The following FMNL2 variants were observed in gnomAD, a reference collection of about 807,000 sequenced individuals.
FMNL2 encodes the protein formin like 2, also known as formin-like protein 2.
Under a neutral mutation model 130.2 loss-of-function variants are expected in FMNL2, and 51 were observed. The ratio of observed to expected loss-of-function variants is 0.39; its 90% CI spans 0.31 to 0.49. The LOEUF (loss-of-function observed/expected upper bound fraction) is 0.49. Among genes scored for constraint, FMNL2 ranks in the 20% least tolerant of loss-of-function variants. The pLI is 0.85. For synonymous variants in FMNL2, 465 were observed against 467.1 expected, an observed-to-expected ratio of 1.00 and a Z score of 0.06; for missense variants, 977 against 1,316.2, an observed-to-expected ratio of 0.74 and a Z score of 3.99.
In FMNL2 at chr2:152,546,333, A is replaced by T. The variant is rs80244320; in HGVS notation, c.283-2688A>T. 8.3e-3 allele frequency among the ~76,000 whole-genome samples: 1,257 copies of T among 152,242 alleles called. 22 individuals are homozygous for T. The highest frequency in any genetic ancestry group is 0.029 in the African/African-American group (1,204 of 41,544). On this transcript the variant is annotated intron_variant, in intron 3 of 25. Coordinates refer to ENST00000288670, the MANE Select transcript of FMNL2 (RefSeq NM_052905.4). ...TCTAGTGAGGGCCTCGGGGTTTACA[A>T]TCATGGCGGAAGGCTAAGGGGGAGC...
chr2:152,351,289 C>T (rs1177552061), intron 1 of FMNL2, among the ~76,000 whole-genome samples: 2 of 152,140 alleles, frequency 1.3e-5, no homozygotes, highest in Non-Finnish European at 2.9e-5. Context: ...TACCTATCAA[C>T]CTGTCATCTA....
intron 1 of FMNL2, among the ~76,000 whole-genome samples, chr2:152,341,681 A>T (rs1348382561): frequency 1.3e-5 from 2 of 152,234 alleles, no homozygotes; most frequent in Non-Finnish European, 1.5e-5. Context: ...CTTGAAAACA[A>T]AATTTCCAGA....
chr2:152,432,714 T>C (rs937152013), intron 1 of FMNL2, among the ~76,000 whole-genome samples: 11 of 152,232 alleles, frequency 7.2e-5, no homozygotes, highest in African/African-American at 2.4e-4. Context: ...TGAATTGGCA[T>C]AGGGGGCCGT....
intron 1 of FMNL2, among the ~76,000 whole-genome samples, chr2:152,445,679 A>G (rs1040890976): frequency 1.3e-5 from 2 of 152,204 alleles, no homozygotes; most frequent in African/African-American, 4.8e-5. Context: ...TTTCTGATTC[A>G]GTTGGTCTGG....
chr2:152,606,437 C>G (rs1698357313), intron 9 of FMNL2, among the ~76,000 whole-genome samples: 1 of 152,124 alleles, frequency 6.6e-6, no homozygotes, highest in Non-Finnish European at 1.5e-5. Context: ...GTCTTCAGAG[C>G]TGGGTATGGT....
chr2:152,341,100 G>T (rs912407702), intron 1 of FMNL2, among the ~76,000 whole-genome samples: 1 of 152,222 alleles, frequency 6.6e-6, no homozygotes, highest in Non-Finnish European at 1.5e-5. Context: ...AGATGGGCGG[G>T]TGGGAGTGTA....
At chr2:152,647,708 T>TTTGA in intron 25 of FMNL2, 88 bp from the exon 26 acceptor site, 4 of 1,261,616 alleles carry the variant, frequency 3.2e-6, no homozygotes, top group Non-Finnish European at 4.6e-6. Flanking sequence ...CACAAGCTGC[T>TTTGA]TTGATTGGCT....
rs183026463 is a variant in FMNL2, at chr2:152,422,317, T to G, written c.117+86597T>G. ...ATGCCCAATGTGAAGAGATCACATATGTTCATGATGCCCCGTGATCATCAT... is the reference window on the plus strand; with the variant it reads ...ATGCCCAATGTGAAGAGATCACATAGGTTCATGATGCCCCGTGATCATCAT... On this transcript the variant is annotated intron_variant, in intron 1 of 25. Transcript: ENST00000288670. Among the ~76,000 whole-genome samples the G allele has an allele frequency of 2.1e-3, 327 of 152,302 alleles. 2 individuals are homozygous for G. The highest frequency in any genetic ancestry group is 7.7e-3 in the African/African-American group (319 of 41,554).
At position 152,396,477 on chromosome 2, in the gene FMNL2, C is replaced by A. The variant is rs1283669369; in HGVS notation, c.117+60757C>A. On this transcript the variant is annotated intron_variant, in intron 1 of 25. Coordinates refer to ENST00000288670, the MANE Select transcript of FMNL2 (RefSeq NM_052905.4). ...TGAAATCCAAGGCTGCTGCTTAACC[C>A]TCTATAGCTCTGGTAGTTCATTTCT... Among the ~76,000 whole-genome samples, 3 of 152,182 alleles carry A rather than the reference C, an allele frequency of 2.0e-5. No homozygotes were observed. In the East Asian group the frequency reaches 5.8e-4, roughly 29 times the overall value.
At chr2:152,625,240 A>C (rs958186307) in intron 15 of FMNL2, 198 bp from the exon 16 acceptor site, 2 of 505,156 alleles carry the variant, frequency 4.0e-6, no homozygotes, top group African/African-American at 3.8e-5. Context: ...ATGATGTGTT[A>C]GTCAACCAAA....
At chr2:152,643,912 C>CTA (rs1683313290) in intron 25 of FMNL2, 1 of 982,376 alleles carries the variant, frequency 1.0e-6, no homozygotes, top group African/African-American at 1.7e-5. Flanking sequence ...ACAATAACTG[C>CTA]TATACCTAAC....
chr2:152,598,079 T>C (rs1443026258), intron 9 of FMNL2, among the ~76,000 whole-genome samples: 1 of 152,160 alleles, frequency 6.6e-6, no homozygotes, highest in South Asian at 2.1e-4. Context: ...GTGATTTAGG[T>C]GTGAGGAGAG....
intron 1 of FMNL2, among the ~76,000 whole-genome samples, chr2:152,480,661 A>AAAAG (rs1690463964): frequency 1.4e-5 from 2 of 138,244 alleles, no homozygotes; most frequent in African/African-American, 5.5e-5. Context: ...AAAAAAAAAA[A>AAAAG]GTGAAAATCA....
At chr2:152,372,278 A>G (rs1283223028) in intron 1 of FMNL2, among the ~76,000 whole-genome samples, 2 of 152,212 alleles carry the variant, frequency 1.3e-5, no homozygotes, top group Non-Finnish European at 2.9e-5. Flanking sequence ...TTAGAGGTCC[A>G]TCTAAGGAGA....
At chr2:152,359,115 T>C (rs575346313) in intron 1 of FMNL2, among the ~76,000 whole-genome samples, 136 of 152,336 alleles carry the variant, frequency 8.9e-4, no homozygotes, top group Middle Eastern at 3.4e-3. Flanking sequence ...AGTGATAAGT[T>C]TTACAAACAT....
chr2:152,510,302 A>C (rs1429079054), intron 1 of FMNL2, among the ~76,000 whole-genome samples: 1 of 152,184 alleles, frequency 6.6e-6, no homozygotes, highest in East Asian at 1.9e-4. Context: ...ATCTGAATAC[A>C]AGATACTTTA....
intron 1 of FMNL2, among the ~76,000 whole-genome samples, chr2:152,367,465 C>G (rs1246868062): frequency 1.3e-5 from 2 of 152,142 alleles, no homozygotes; most frequent in Non-Finnish European, 2.9e-5. Flanking sequence ...ATACTTAATG[C>G]TTTTGCACTG....
chr2:152,619,457 G>A, intron 14 of FMNL2, 52 bp from the exon 15 acceptor site: 1 of 1,548,294 alleles, frequency 6.5e-7, no homozygotes, highest in Non-Finnish European at 8.7e-7. Context: ...CTTATTGCAG[G>A]AAAGCCATTC....
At chr2:152,396,245 AT>A (rs1197789468) in intron 1 of FMNL2, among the ~76,000 whole-genome samples, 1 of 152,082 alleles carries the variant, frequency 6.6e-6, no homozygotes, top group Non-Finnish European at 1.5e-5. Flanking sequence ...TAGAATTCTG[AT>A]TTTCATGGGA....
Sources: gnomAD v4.1 joint callset for allele counts (sites outside exome capture counted in the v4.1 genomes callset) on GRCh38, gnomAD v4.1.1 for gene constraint, MANE v1.5 for transcripts, NCBI Gene and HGNC (gene_info 2026-07-23, HGNC 2026-07-21) for gene names.